Variants in TXNL1 observed in about 807,000 individuals in gnomAD.
TXNL1 encodes thioredoxin like 1.
In TXNL1, 14 loss-of-function variants were observed where a neutral mutation model predicts 35.5. The ratio of observed to expected loss-of-function variants is 0.39; its 90% CI spans 0.26 to 0.62. TXNL1 has a LOEUF of 0.62. Among genes scored for constraint, TXNL1 ranks in the 20% least tolerant of loss-of-function variants. The pLI, the probability that TXNL1 is intolerant of heterozygous loss-of-function variation, is 0.47. For synonymous variants in TXNL1, 110 were observed against 115.5 expected, an observed-to-expected ratio of 0.95 and a Z score of 0.31; for missense variants, 263 against 349.7, an observed-to-expected ratio of 0.75 and a Z score of 1.98.
At chr18:56,624,517 T>C (rs1387391523) in intron 2 of TXNL1, 56 bp from the exon 3 acceptor site, 1 of 1,532,664 alleles carries the variant, frequency 6.5e-7, no homozygotes, top group Non-Finnish European at 8.9e-7. Flanking sequence ...ACTTTGAATA[T>C]TCATTCTACA....
At chr18:56,637,463 C>T (rs2024474092) in intron 1 of TXNL1, among the ~76,000 whole-genome samples, 3 of 152,334 alleles carry the variant, frequency 2.0e-5, no homozygotes, top group South Asian at 4.1e-4. Context: ...GTGAAACACA[C>T]ACACACGCTG....
intron 7 of TXNL1, among the ~76,000 whole-genome samples, chr18:56,607,161 TTGTG>T (rs112495608): frequency 1.4e-4 from 19 of 137,612 alleles, no homozygotes; most frequent in African/African-American, 2.4e-4. Context: ...CTGGGTAATT[TTGTG>T]TGTGTGTGTG....
chr18:56,604,315 T>A (rs895773487), intron 7 of TXNL1: 4 of 152,202 alleles, frequency 2.6e-5, no homozygotes, highest in Non-Finnish European at 5.9e-5. Flanking sequence ...GCATTATTGA[T>A]CATTGTATTA....
intron 2 of TXNL1, among the ~76,000 whole-genome samples, chr18:56,625,967 GAGATA>G (rs1247282224): frequency 2.6e-5 from 4 of 152,128 alleles, no homozygotes; most frequent in African/African-American, 9.7e-5. Context: ...TGTCCATTTG[GAGATA>G]AGATAACAAA....
At chr18:56,618,274 T>C in intron 3 of TXNL1, 148 bp from the exon 4 acceptor site, 1 of 819,848 alleles carries the variant, frequency 1.2e-6, no homozygotes, top group Non-Finnish European at 1.8e-6. Flanking sequence ...TCCTTTCATT[T>C]GCATTTCTGA....
rs561223896 is a variant in TXNL1 at position 56,630,279 on chromosome 18, C to T, written c.99-3822G>A. On this transcript the variant is annotated intron_variant, in intron 1 of 7. Transcript: ENST00000217515. ...CCAGCATGTGGCTCAGAGCTGGAAG[C>T]GACCTTGGGGAATATTTGAAAAGAA... Among the ~76,000 whole-genome samples the T allele has an allele frequency of 1.8e-4, 27 of 151,232 alleles. No individual in the cohort carries two copies. In the South Asian group the frequency reaches 2.9e-3, roughly 16 times the overall value.
rs1018192593 is a variant in TXNL1 at position 56,626,513 on chromosome 18, C to T, written c.99-56G>A. Reference sequence around the variant, plus strand: ...CACTAAAGATTGTAATTCTAAAGCACTCGTCAATTAAACATAAAATAGAAC... The same window carrying T: ...CACTAAAGATTGTAATTCTAAAGCATTCGTCAATTAAACATAAAATAGAAC... On this transcript the variant is annotated intron_variant, in intron 1 of 7. Transcript: ENST00000217515. 4.2e-6 allele frequency: 6 copies of T among 1,414,670 alleles called. No individual in the cohort carries two copies. The African/African-American group carries it at 8.7e-5, about 21-fold the overall frequency. 87.6% of individuals were successfully genotyped at this position (1,414,670 alleles called of 1,614,324 possible). A position where few individuals can be genotyped will look rare whatever the true frequency, so the allele number is the denominator to read the frequency against.
intron 1 of TXNL1, among the ~76,000 whole-genome samples, chr18:56,635,114 C>T (rs962816416): frequency 9.9e-5 from 15 of 151,868 alleles, no homozygotes; most frequent in Admixed American, 7.9e-4. Flanking sequence ...AATAAATTAG[C>T]GGGCATGGTG....
At chr18:56,608,598 A>C (rs2023939822) in intron 7 of TXNL1, 1 of 152,174 alleles carries the variant, frequency 6.6e-6, no homozygotes, top group Non-Finnish European at 1.5e-5. Context: ...TATTTTCATA[A>C]TGCTAAATCG....
intron 5 of TXNL1, 30 bp downstream of exon 5, chr18:56,616,215 T>C: frequency 6.3e-7 from 1 of 1,586,446 alleles, no homozygotes; most frequent in Non-Finnish European, 8.6e-7. Context: ...AAGCAGAAGT[T>C]AGTTTAAAGA....
At chr18:56,618,779 T>C (rs2024131777) in intron 3 of TXNL1, among the ~76,000 whole-genome samples, 1 of 151,974 alleles carries the variant, frequency 6.6e-6, no homozygotes, top group Non-Finnish European at 1.5e-5. Flanking sequence ...ACATTCTCAA[T>C]ATCATTATCA....
At chr18:56,635,208 T>C (rs911816514) in intron 1 of TXNL1, among the ~76,000 whole-genome samples, 1 of 152,060 alleles carries the variant, frequency 6.6e-6, no homozygotes, top group Non-Finnish European at 1.5e-5. Flanking sequence ...CAGTGAGCCA[T>C]CGTCTCAAAA....
intron 3 of TXNL1, among the ~76,000 whole-genome samples, 192 bp downstream of exon 3, chr18:56,624,096 G>T (rs2024236275): frequency 6.6e-6 from 1 of 152,034 alleles, no homozygotes; most frequent in South Asian, 2.1e-4. Flanking sequence ...TATGATAGAG[G>T]CTTAACACAC....
intron 4 of TXNL1, among the ~76,000 whole-genome samples, chr18:56,616,957 G>T (rs1290973803): frequency 6.6e-6 from 1 of 152,188 alleles, no homozygotes; most frequent in Non-Finnish European, 1.5e-5. Context: ...CCAAAAGTGT[G>T]TTTGATGTAC....
chr18:56,611,644 G>A lies in TXNL1; in HGVS notation c.736-547C>T, dbSNP rs886633296. Among the ~76,000 whole-genome samples, 16 of 152,148 alleles carry A rather than the reference G, an allele frequency of 1.1e-4. No homozygotes were observed. In the South Asian group the frequency reaches 2.9e-3, roughly 28 times the overall value. ...CATGGCAAGAGACCCATATATATAA[G>A]TTCATGGTAACTTGGTGTGATAGTA... On this transcript the variant is annotated intron_variant, in intron 6 of 7. Coordinates refer to ENST00000217515, the MANE Select transcript of TXNL1 (RefSeq NM_004786.3).
intron 1 of TXNL1, among the ~76,000 whole-genome samples, chr18:56,633,854 C>A (rs2024415195): frequency 6.6e-6 from 1 of 151,470 alleles, no homozygotes; most frequent in African/African-American, 2.4e-5. Flanking sequence ...TGTGGTGGCG[C>A]ATACCTGTAA....
At position 56,601,413 on chromosome 18, in the gene TXNL1, T is replaced by C. The variant is rs1357707193; in HGVS notation, c.*1614A>G. The stretch of plus-strand genomic sequence containing the variant: ...AGTATAAATAGGAAAAGGTCAGCAA[T>C]ACTTAGGATGAGGCACTTTAACAAT... On this transcript the variant is annotated 3_prime_UTR_variant, in exon 8 of 8. Transcript: ENST00000217515. 6.6e-6 allele frequency: 1 copy of C among 152,174 alleles called. No homozygotes were observed. Among genetic ancestry groups the C allele is most frequent in the Non-Finnish European group, 1.5e-5 (1 of 68,014 alleles). 9.4% of individuals were successfully genotyped at this position (152,174 alleles called of 1,614,324 possible). A position where few individuals can be genotyped will look rare whatever the true frequency, so the allele number is the denominator to read the frequency against.
At chr18:56,638,312 G>A (rs780008632) in intron 1 of TXNL1, 31 bp downstream of exon 1, 7 of 1,585,988 alleles carry the variant, frequency 4.4e-6, no homozygotes, top group Admixed American at 3.5e-5. Context: ...AAGGACAGAC[G>A]GGGACCCACA....
At chr18:56,616,903 C>G (rs2024097029) in intron 4 of TXNL1, among the ~76,000 whole-genome samples, 1 of 152,150 alleles carries the variant, frequency 6.6e-6, no homozygotes, top group Non-Finnish European at 1.5e-5. Context: ...GAATGTTTCT[C>G]TCTCCGAAAC....
Sources: allele counts gnomAD v4.1 joint callset (sites outside exome capture counted in the v4.1 genomes callset), GRCh38; gene constraint gnomAD v4.1.1; transcripts MANE v1.5; gene names NCBI Gene and HGNC (gene_info 2026-07-23, HGNC 2026-07-21).